The following PHACTR3 variants were observed in gnomAD, a reference collection of about 807,000 sequenced individuals.
The protein encoded by PHACTR3 is phosphatase and actin regulator 3.
In PHACTR3, 16 loss-of-function variants were observed where a neutral mutation model predicts 66.8. The observed-to-expected ratio is 0.24, with a 90% confidence interval of 0.16 to 0.36. The LOEUF (loss-of-function observed/expected upper bound fraction) is 0.36. Among genes scored for constraint, PHACTR3 ranks in the 10% least tolerant of loss-of-function variants. The probability of loss-of-function intolerance (pLI) is 1.00; values close to 1 mark genes in which losing one functional copy is unlikely to be tolerated. For synonymous variants in PHACTR3, 323 were observed against 292.1 expected, an observed-to-expected ratio of 1.11 and a Z score of -1.08; for missense variants, 647 against 719.9, an observed-to-expected ratio of 0.90 and a Z score of 1.16.
In PHACTR3 at chr20:59,744,877, C is replaced by T. The variant is rs116105216; in HGVS notation, c.280+1609C>T. Reference sequence around the variant, plus strand: ...GTGGAAGCCACCAAGTGAACCAGCACGTGAGTCGATTGCAGACTCCGGCGA... The same window carrying T: ...GTGGAAGCCACCAAGTGAACCAGCATGTGAGTCGATTGCAGACTCCGGCGA... On this transcript the variant is annotated intron_variant, in intron 2 of 12. Transcript: ENST00000371015. Among the ~76,000 whole-genome samples the T allele has an allele frequency of 4.2e-3, 645 of 152,316 alleles. 3 individuals are homozygous for T. Among genetic ancestry groups the T allele is most frequent in the African/African-American group, 0.015 (606 of 41,564 alleles).
At chr20:59,804,707 A>G (rs1317184458) in intron 7 of PHACTR3, among the ~76,000 whole-genome samples, 1 of 152,240 alleles carries the variant, frequency 6.6e-6, no homozygotes, top group African/African-American at 2.4e-5. Context: ...AATGATTTTC[A>G]GAGTTGTTTT....
intron 1 of PHACTR3, among the ~76,000 whole-genome samples, chr20:59,667,690 A>C (rs2036039428): frequency 6.6e-6 from 1 of 152,204 alleles, no homozygotes; most frequent in Non-Finnish European, 1.5e-5. Flanking sequence ...TCTGGGGCTT[A>C]GGTTTTAGAC....
At position 59,798,639 on chromosome 20, in the gene PHACTR3, G is replaced by A. The variant is rs36105771; in HGVS notation, c.1175-7402G>A. Among the ~76,000 whole-genome samples, 220 of 152,146 alleles carry A rather than the reference G, an allele frequency of 1.4e-3. 1 individual carries two copies. The highest frequency in any genetic ancestry group is 4.8e-3 in the South Asian group (23 of 4,822). ...TTTATATCAATTGTCAAATTTATTA[G>A]CATGAAGTGATTCACTATATTTTTT... is the stretch of plus-strand genomic sequence containing the variant. On this transcript the variant is annotated intron_variant, in intron 7 of 12. Coordinates refer to ENST00000371015, the MANE Select transcript of PHACTR3 (RefSeq NM_080672.5).
intron 1 of PHACTR3, among the ~76,000 whole-genome samples, chr20:59,729,536 A>G (rs1047103627): frequency 2.6e-5 from 4 of 152,118 alleles, no homozygotes; most frequent in African/African-American, 7.2e-5. Context: ...TTAGTGATGC[A>G]TCTGCTAGCC....
At chr20:59,598,552 G>T (rs56117903) in intron 1 of PHACTR3, among the ~76,000 whole-genome samples, 5,177 of 152,264 alleles carry the variant, frequency 0.034, 128 homozygotes, top group Middle Eastern at 0.082. Context: ...TTTTCAGGGC[G>T]ACTCTAGCTA....
At chr20:59,734,220 A>G (rs1261419337) in intron 1 of PHACTR3, among the ~76,000 whole-genome samples, 1 of 152,186 alleles carries the variant, frequency 6.6e-6, no homozygotes, top group Non-Finnish European at 1.5e-5. Flanking sequence ...TAAGAACACT[A>G]AGAGCAATGC....
At chr20:59,788,278 G>GT (rs2146947805) in intron 7 of PHACTR3, among the ~76,000 whole-genome samples, 1 of 152,286 alleles carries the variant, frequency 6.6e-6, no homozygotes, top group African/African-American at 2.4e-5. Flanking sequence ...GTACAGATGC[G>GT]TTTTTCTCTA....
At position 59,604,754 on chromosome 20, in the gene PHACTR3, C is replaced by A. The variant is rs1026017191; in HGVS notation, c.-261C>A. 2.6e-6 allele frequency: 3 copies of A among 1,139,142 alleles called. No homozygotes were observed. The African/African-American group carries it at 4.8e-5, about 18-fold the overall frequency. The allele number at this position is 1,139,142 out of a possible 1,614,324, so 70.6% of individuals were successfully genotyped here. ...ATAGACTGAAGAATGGGAATAAACA[C>A]GAATAAATAACAAAGCGAGGCCGCG... On this transcript the variant is annotated 5_prime_UTR_variant, in exon 1 of 13. Coordinates refer to ENST00000371015, the MANE Select transcript of PHACTR3 (RefSeq NM_080672.5).
intron 10 of PHACTR3, 46 bp downstream of exon 10, chr20:59,840,476 G>T: frequency 6.2e-7 from 1 of 1,607,042 alleles, no homozygotes; most frequent in Non-Finnish European, 8.5e-7. Context: ...GTGGTCTAGA[G>T]AACAGCTGCT....
chr20:59,766,404 A>T (rs1397517937), intron 4 of PHACTR3, among the ~76,000 whole-genome samples: 1 of 152,176 alleles, frequency 6.6e-6, no homozygotes, highest in Non-Finnish European at 1.5e-5. Context: ...CAGGCAAAGG[A>T]CTTAGGGACT....
chr20:59,584,845 CT>C (rs1440553335), intron 1 of PHACTR3, among the ~76,000 whole-genome samples: 1 of 152,222 alleles, frequency 6.6e-6, no homozygotes, highest in African/African-American at 2.4e-5. Context: ...TCTTTTCCCC[CT>C]GTAAGCTCTT....
At chr20:59,840,036 A>AAAG (rs2059030269) in intron 9 of PHACTR3, among the ~76,000 whole-genome samples, 1 of 152,212 alleles carries the variant, frequency 6.6e-6, no homozygotes, top group Non-Finnish European at 1.5e-5. Context: ...ATGTAAATAT[A>AAAG]AAGATATTTG....
intron 1 of PHACTR3, among the ~76,000 whole-genome samples, chr20:59,580,546 G>A (rs553754443): frequency 1.3e-5 from 2 of 151,340 alleles, no homozygotes; most frequent in African/African-American, 2.4e-5. Context: ...CTCGTAGTGG[G>A]TTATTTCTGC....
chr20:59,754,787 C>T (rs2146818737), intron 3 of PHACTR3, among the ~76,000 whole-genome samples: 1 of 152,382 alleles, frequency 6.6e-6, no homozygotes, highest in East Asian at 1.9e-4. Context: ...GCAAGCACTT[C>T]TCATGCCAGT....
In PHACTR3 at chr20:59,611,734, C is replaced by T. The variant is rs536924324; in HGVS notation, c.118+6602C>T. Among the ~76,000 whole-genome samples the T allele has an allele frequency of 3.3e-5, 5 of 152,324 alleles. No homozygotes were observed. In the East Asian group the frequency reaches 5.8e-4, roughly 18 times the overall value. On this transcript the variant is annotated intron_variant, in intron 1 of 12. Coordinates refer to ENST00000371015, the MANE Select transcript of PHACTR3 (RefSeq NM_080672.5). ...CTCCGGCCCCAGGTCCACCCAGCCT[C>T]GGATGTTGTTCCCCGGCTCCCTTCC... is the stretch of plus-strand genomic sequence containing the variant.
intron 1 of PHACTR3, among the ~76,000 whole-genome samples, chr20:59,631,488 G>A (rs994779267): frequency 5.9e-5 from 9 of 152,212 alleles, no homozygotes; most frequent in Non-Finnish European, 1.3e-4. Context: ...GAGGAGAGAG[G>A]TAGGACTTTG....
chr20:59,809,929 T>A (rs2147011632), intron 8 of PHACTR3, among the ~76,000 whole-genome samples: 1 of 152,356 alleles, frequency 6.6e-6, no homozygotes, highest in East Asian at 1.9e-4. Context: ...GCACTATTTG[T>A]ACCGTGTTTA....
intron 1 of PHACTR3, among the ~76,000 whole-genome samples, chr20:59,692,263 G>T (rs115034965): frequency 0.011 from 1,717 of 152,298 alleles, 27 homozygotes; most frequent in African/African-American, 0.039. Flanking sequence ...TACCCAACGG[G>T]GCCACTGGCC....
intron 1 of PHACTR3, among the ~76,000 whole-genome samples, chr20:59,593,353 C>T (rs942518779): frequency 7.9e-5 from 12 of 152,130 alleles, no homozygotes; most frequent in South Asian, 2.1e-4. Context: ...TCAAATTGTT[C>T]ATTCTCTTGT....
Sources: gnomAD v4.1 joint callset for allele counts (sites outside exome capture counted in the v4.1 genomes callset) on GRCh38, gnomAD v4.1.1 for gene constraint, MANE v1.5 for transcripts, NCBI Gene and HGNC (gene_info 2026-07-23, HGNC 2026-07-21) for gene names.